The following TOP6BL variants were observed in gnomAD, a reference collection of about 807,000 sequenced individuals.
TOP6BL encodes the protein TOP6B like initiator of meiotic double strand breaks.
the TOP6BL span, chr11:66,759,075 G>A: frequency 6.4e-7 from 1 of 1,561,738 alleles, no homozygotes; most frequent in Admixed American, 1.8e-5. Flanking sequence ...TGGTGGCATG[G>A]TCCTCAAGAA....
chr11:66,770,807 T>G, the TOP6BL span, among the ~76,000 whole-genome samples: 1 of 152,184 alleles, frequency 6.6e-6, no homozygotes, highest in Non-Finnish European at 1.5e-5. Flanking sequence ...CCTTCTGGCC[T>G]CCTTACCCAT....
chr11:66,795,982 A>G, the TOP6BL span: 1 of 257,550 alleles, frequency 3.9e-6, no homozygotes, highest in Non-Finnish European at 7.5e-6. Context: ...ATTCTTACCA[A>G]CTTCAGTCTG....
the TOP6BL span, chr11:66,816,141 G>A: frequency 6.2e-7 from 1 of 1,607,272 alleles, no homozygotes; most frequent in African/African-American, 1.3e-5. Context: ...AAACTCTGCT[G>A]CTTTTTCTCT....
chr11:66,769,456 A>G, the TOP6BL span, among the ~76,000 whole-genome samples: 3 of 151,984 alleles, frequency 2.0e-5, no homozygotes, highest in African/African-American at 4.8e-5. Flanking sequence ...CCTAAAAAAA[A>G]AAAAGCTGGA....
At chr11:66,753,338 A>C in the TOP6BL span, among the ~76,000 whole-genome samples, 1 of 151,542 alleles carries the variant, frequency 6.6e-6, no homozygotes, top group South Asian at 2.1e-4. Context: ...TAAATGGAAG[A>C]CTTTTATGGG....
At chr11:66,833,484 A>G in the TOP6BL span, among the ~76,000 whole-genome samples, 1 of 152,206 alleles carries the variant, frequency 6.6e-6, no homozygotes, top group Non-Finnish European at 1.5e-5. Flanking sequence ...AATGCAGTTC[A>G]CTACAGCCAT....
chr11:66,785,622 C>A, the TOP6BL span, among the ~76,000 whole-genome samples: 2 of 152,144 alleles, frequency 1.3e-5, no homozygotes, highest in African/African-American at 4.8e-5. Context: ...TGGTAAGATG[C>A]AAAGCTCTTG....
the TOP6BL span, chr11:66,843,082 G>C: frequency 6.3e-7 from 1 of 1,581,726 alleles, no homozygotes; most frequent in Non-Finnish European, 8.6e-7. Context: ...AACTGGGCGA[G>C]GGCCGCGCAG....
At chr11:66,822,341 TGTCA>T in the TOP6BL span, among the ~76,000 whole-genome samples, 1 of 152,208 alleles carries the variant, frequency 6.6e-6, no homozygotes, top group Non-Finnish European at 1.5e-5. Context: ...GATGTGTCTG[TGTCA>T]GTAAGTCACC....
the TOP6BL span, among the ~76,000 whole-genome samples, chr11:66,779,172 T>A: frequency 6.6e-5 from 10 of 152,112 alleles, no homozygotes; most frequent in Non-Finnish European, 1.2e-4. Flanking sequence ...TGGGATCTAA[T>A]TAAACTAAAG....
chr11:66,772,289 C>T, the TOP6BL span, among the ~76,000 whole-genome samples: 1 of 152,144 alleles, frequency 6.6e-6, no homozygotes, highest in Admixed American at 6.5e-5. Flanking sequence ...GGAAACATAG[C>T]AAGGCCCCAT....
At chr11:66,758,237 T>A in the TOP6BL span, 1 of 639,592 alleles carries the variant, frequency 1.6e-6, no homozygotes, top group Non-Finnish European at 1.9e-6. Context: ...GCTCTAAAAT[T>A]TCTAATATTT....
the TOP6BL span, among the ~76,000 whole-genome samples, chr11:66,797,455 A>G: frequency 6.6e-6 from 1 of 152,138 alleles, no homozygotes; most frequent in Non-Finnish European, 1.5e-5. Context: ...AAGCTAGATA[A>G]TAAACCTTGC....
the TOP6BL span, among the ~76,000 whole-genome samples, chr11:66,767,532 G>A: frequency 1.3e-5 from 2 of 151,924 alleles, no homozygotes; most frequent in African/African-American, 4.8e-5. Flanking sequence ...TTTTAAAATA[G>A]CTTCTCATTT....
chr11:66,782,149 T>G, the TOP6BL span, among the ~76,000 whole-genome samples: 3 of 152,178 alleles, frequency 2.0e-5, no homozygotes, highest in African/African-American at 7.2e-5. Flanking sequence ...GGCTTTAGAC[T>G]TTTTTGGGGT....
chr11:66,836,738 C>A, the TOP6BL span, among the ~76,000 whole-genome samples: 1 of 133,842 alleles, frequency 7.5e-6, no homozygotes, highest in Non-Finnish European at 1.6e-5. Flanking sequence ...TCTTGCCCTG[C>A]CACCCAGGCT....
the TOP6BL span, among the ~76,000 whole-genome samples, chr11:66,784,456 C>G: frequency 6.6e-6 from 1 of 152,214 alleles, no homozygotes; most frequent in Non-Finnish European, 1.5e-5. Context: ...GCCACTGCTT[C>G]CTGCCTGTAT....
chr11:66,837,598 C>G, the TOP6BL span, among the ~76,000 whole-genome samples: 1 of 151,940 alleles, frequency 6.6e-6, no homozygotes, highest in African/African-American at 2.4e-5. Flanking sequence ...GAGCCCACCA[C>G]CACAGCCAGC....
chr11:66,836,461 G>A, the TOP6BL span, among the ~76,000 whole-genome samples: 1 of 151,384 alleles, frequency 6.6e-6, no homozygotes, highest in Non-Finnish European at 1.5e-5. Context: ...CGCCCACCTC[G>A]GCCTCCCAAA....
Sources: allele counts gnomAD v4.1 joint callset (sites outside exome capture counted in the v4.1 genomes callset), GRCh38; gene constraint gnomAD v4.1.1; transcripts MANE v1.5; gene names NCBI Gene and HGNC (gene_info 2026-07-23, HGNC 2026-07-21).